The following HDAC9 variants were observed in gnomAD, a reference collection of about 807,000 sequenced individuals.
The protein encoded by HDAC9 is histone deacetylase 9.
A neutral mutation model predicts 139.4 loss-of-function variants in HDAC9; 41 were observed. That is an observed-to-expected ratio of 0.29 (90% CI 0.23 to 0.38). The LOEUF (loss-of-function observed/expected upper bound fraction) is 0.38. Among genes scored for constraint, HDAC9 ranks in the 10% least tolerant of loss-of-function variants. The pLI, the probability that HDAC9 is intolerant of heterozygous loss-of-function variation, is 1.00. For missense variants in HDAC9, 1,147 were observed against 1,297.0 expected (o/e 0.88, Z 1.78); for synonymous variants, 517 against 476.2 (o/e 1.09, Z -1.12).
At chr7:18,812,630 A>G (rs12699984) in intron 17 of HDAC9, among the ~76,000 whole-genome samples, 1 of 151,538 alleles carries the variant, frequency 6.6e-6, no homozygotes, top group African/African-American at 2.4e-5. Flanking sequence ...ATTAGGTAGA[A>G]TTCCTCTTTT....
intron 12 of HDAC9, among the ~76,000 whole-genome samples, chr7:18,692,637 T>C (rs1270554531): frequency 2.6e-5 from 4 of 152,140 alleles, no homozygotes; most frequent in African/African-American, 4.8e-5. Flanking sequence ...AAAGAGATTT[T>C]GTGGGCCACG....
In HDAC9 at chr7:19,001,324, G is replaced by A. The variant is rs532455749; in HGVS notation, c.*5262G>A. 3 of 152,126 alleles carry A rather than the reference G, an allele frequency of 2.0e-5. No individual in the cohort carries two copies. Among genetic ancestry groups the A allele is most frequent in the South Asian group, 2.1e-4 (1 of 4,820 alleles). 9.4% of individuals were successfully genotyped at this position (152,126 alleles called of 1,614,324 possible). The stretch of plus-strand genomic sequence containing the variant: ...AGACTTTTTAAAGCAAATTGGAATC[G>A]TTTTATTTTTTTGTTTGGGCCTTAG... On this transcript the variant is annotated 3_prime_UTR_variant, in exon 26 of 26. Transcript: ENST00000686413.
chr7:18,610,900 C>T (rs1419223779), intron 6 of HDAC9, among the ~76,000 whole-genome samples: 1 of 152,168 alleles, frequency 6.6e-6, no homozygotes, highest in Non-Finnish European at 1.5e-5. Context: ...CAAGTTTATT[C>T]AGAAGCAGGA....
chr7:18,110,646 T>C (rs927350810), intron 1 of HDAC9, among the ~76,000 whole-genome samples: 7 of 152,118 alleles, frequency 4.6e-5, no homozygotes, highest in African/African-American at 1.7e-4. Flanking sequence ...AGCCTCTAGA[T>C]GGTAGAGCAC....
intron 1 of HDAC9, among the ~76,000 whole-genome samples, chr7:18,155,344 T>A (rs1182598065): frequency 6.6e-6 from 1 of 152,202 alleles, no homozygotes; most frequent in African/African-American, 2.4e-5. Flanking sequence ...GGGTACTGGA[T>A]ACCCTGGGGC....
At position 18,255,817 on chromosome 7, in the gene HDAC9, C is replaced by T. The variant is rs555150022; in HGVS notation, c.25+93468C>T. Among the ~76,000 whole-genome samples, 20 of 151,720 alleles carry T rather than the reference C, an allele frequency of 1.3e-4. No individual in the cohort carries two copies. In the East Asian group the frequency reaches 3.5e-3, roughly 27 times the overall value. On this transcript the variant is annotated intron_variant, in intron 2 of 12. Transcript: ENST00000417496. The stretch of plus-strand genomic sequence containing the variant: ...CTAATTTTTGTATTTTGGGTAGAGA[C>T]GGGGTTTCACCATGTTGGCCAGGAT...
intron 25 of HDAC9, among the ~76,000 whole-genome samples, chr7:18,980,917 G>A (rs1282582675): frequency 3.3e-5 from 5 of 151,412 alleles, no homozygotes; most frequent in Admixed American, 2.0e-4. Context: ...TCCACCTCCC[G>A]GGTTCAAGCA....
rs368961811 is a variant in HDAC9, at chr7:18,648,516, T to G, written c.1300T>G (p.Ser434Ala). Reference protein sequence around the residue: ...QSPLATKERISPGIRGTHKLP... With the variant: ...QSPLATKERIAPGIRGTHKLP... The stretch of plus-strand genomic sequence containing the variant: ...TCCCTTGGCAACAAAAGAGAGAATT[T>G]CACCTGGCATTAGAGGTACCCACAA... Residue 434 changes from serine to alanine, a missense_variant, in exon 11 of 26, where the codon TCA (serine) becomes GCA (alanine). Coordinates refer to ENST00000686413, the MANE Select transcript of HDAC9 (RefSeq NM_178425.4). The G allele has an allele frequency of 6.5e-5, 105 of 1,613,538 alleles. No homozygotes were observed. The highest frequency in any genetic ancestry group is 8.6e-5 in the Non-Finnish European group (102 of 1,179,764).
chr7:18,985,435 C>A (rs1486300499), intron 25 of HDAC9, among the ~76,000 whole-genome samples: 1 of 152,144 alleles, frequency 6.6e-6, no homozygotes, highest in East Asian at 1.9e-4. Context: ...TTCCATGGTG[C>A]ATATGTGCCA....
chr7:18,968,039 G>A (rs533582515), intron 24 of HDAC9, among the ~76,000 whole-genome samples: 4 of 152,180 alleles, frequency 2.6e-5, no homozygotes, highest in Middle Eastern at 3.4e-3. Context: ...GCATATGCCC[G>A]TAATCCCAGC....
chr7:18,959,398 C>A (rs933354339), intron 24 of HDAC9, among the ~76,000 whole-genome samples: 5 of 152,032 alleles, frequency 3.3e-5, no homozygotes, highest in Non-Finnish European at 7.4e-5. Flanking sequence ...TAAGTGTCAA[C>A]CAATTTTGTA....
intron 6 of HDAC9, among the ~76,000 whole-genome samples, chr7:18,622,146 A>T (rs1840377895): frequency 6.6e-6 from 1 of 152,168 alleles, no homozygotes; most frequent in Non-Finnish European, 1.5e-5. Flanking sequence ...GGGGAGGGAG[A>T]AACTGTGTGG....
chr7:18,720,719 T>C (rs1785081870), intron 12 of HDAC9, among the ~76,000 whole-genome samples: 2 of 151,684 alleles, frequency 1.3e-5, no homozygotes, highest in Admixed American at 6.6e-5. Flanking sequence ...TTTCGCTCTG[T>C]CACTCAGGCT....
chr7:18,187,233 A>G (rs1401891238), intron 2 of HDAC9, among the ~76,000 whole-genome samples: 3 of 152,198 alleles, frequency 2.0e-5, no homozygotes, highest in African/African-American at 7.2e-5. Context: ...GTTACATATA[A>G]TCTCATTGAA....
At chr7:18,938,051 AC>A (rs1045237135) in intron 23 of HDAC9, among the ~76,000 whole-genome samples, 8 of 152,078 alleles carry the variant, frequency 5.3e-5, no homozygotes, top group Non-Finnish European at 1.2e-4. Context: ...TGTGTTTTGT[AC>A]CTTGCTGCCA....
At chr7:18,640,110 A>ATTAC (rs1307650987) in intron 8 of HDAC9, among the ~76,000 whole-genome samples, 4 of 151,900 alleles carry the variant, frequency 2.6e-5, no homozygotes, top group Non-Finnish European at 5.9e-5. Flanking sequence ...AATGTGAGTG[A>ATTAC]TTACTGGCCA....
intron 1 of HDAC9, among the ~76,000 whole-genome samples, chr7:18,343,777 C>G (rs749353599): frequency 2.0e-5 from 3 of 151,738 alleles, no homozygotes; most frequent in Admixed American, 6.6e-5. Flanking sequence ...TGCATTTTCT[C>G]AAGAAAACAT....
chr7:18,869,034 T>C (rs1798704040), intron 21 of HDAC9, among the ~76,000 whole-genome samples: 1 of 152,114 alleles, frequency 6.6e-6, no homozygotes, highest in African/African-American at 2.4e-5. Context: ...ATAAAGTTAA[T>C]GTCAGTAAGT....
At chr7:18,392,311 T>TCACACA (rs1448388852) in intron 1 of HDAC9, among the ~76,000 whole-genome samples, 8 of 124,520 alleles carry the variant, frequency 6.4e-5, no homozygotes, top group African/African-American at 2.4e-4. Flanking sequence ...TCTCTCTCTC[T>TCACACA]CTCTCACACA....
Sources: gnomAD v4.1 joint callset for allele counts (sites outside exome capture counted in the v4.1 genomes callset) on GRCh38, gnomAD v4.1.1 for gene constraint, MANE v1.5 for transcripts, NCBI Gene and HGNC (gene_info 2026-07-23, HGNC 2026-07-21) for gene names.